Variants in ABCA9 observed in about 807,000 individuals in gnomAD.
The protein encoded by ABCA9 is ATP-binding cassette sub-family A member 9.
A neutral mutation model predicts 205.3 loss-of-function variants in ABCA9; 183 were observed. That is an observed-to-expected ratio of 0.89 (90% CI 0.79 to 1.01). The LOEUF (loss-of-function observed/expected upper bound fraction) is 1.01. Ranked by LOEUF, ABCA9 falls within the 50% of genes least tolerant of loss-of-function variation. ABCA9 has a pLI of 0.00. For synonymous variants in ABCA9, 651 were observed against 683.3 expected (o/e 0.95, Z 0.74); for missense variants, 1,805 against 1,912.4 (o/e 0.94, Z 1.05).
At chr17:68,981,832 T>C (rs973800615) in intron 37 of ABCA9, among the ~76,000 whole-genome samples, 1 of 79,334 alleles carries the variant, frequency 1.3e-5, no homozygotes, top group Non-Finnish European at 2.4e-5. Context: ...GAAAACTCTT[T>C]CTCAAAAAAA....
intron 16 of ABCA9, among the ~76,000 whole-genome samples, chr17:69,025,641 G>A (rs1355665843): frequency 6.6e-6 from 1 of 151,914 alleles, no homozygotes; most frequent in African/African-American, 2.4e-5. Flanking sequence ...AAAAAATGAG[G>A]GGATCCATTT....
At chr17:69,013,745 G>A (rs1053254059) in intron 22 of ABCA9, among the ~76,000 whole-genome samples, 3 of 152,100 alleles carry the variant, frequency 2.0e-5, no homozygotes, top group African/African-American at 7.2e-5. Flanking sequence ...GGAATGGCTG[G>A]ATGGGAGTGC....
rs1343786530 is a variant in ABCA9 at position 68,989,059 on chromosome 17, T to C, written c.4015A>G (p.Ile1339Val). The change falls in exon 31 of 39, where the codon ATA becomes GTA. Residue 1339 changes from isoleucine to valine, a missense_variant. Coordinates refer to ENST00000340001, the MANE Select transcript of ABCA9 (RefSeq NM_080283.4). ...GAGKSTTIKMITGDTKPTAGQ... is the reference protein window; with the variant it reads ...GAGKSTTIKMVTGDTKPTAGQ... Reference sequence around the variant, plus strand: ...GCAGTTGGTTTTGTGTCTCCAGTTATCATCTTAATAGTTGTACTTTTACCA... The same window carrying C: ...GCAGTTGGTTTTGTGTCTCCAGTTACCATCTTAATAGTTGTACTTTTACCA... 1 of 1,613,458 alleles carries C rather than the reference T, an allele frequency of 6.2e-7. No homozygotes were observed. The highest frequency in any genetic ancestry group is 2.2e-5 in the East Asian group (1 of 44,868).
Position 69,017,656 on chromosome 17 carries a change from C to T in ABCA9, c.2901G>A (p.Lys967=). The change falls in exon 21 of 39, where the codon AAG becomes AAA. Residue 967 remains lysine (K), a splice_region_variant and synonymous_variant. Coordinates refer to ENST00000340001, the MANE Select transcript of ABCA9 (RefSeq NM_080283.4). ...ATGCAGCAACTGGAGTCCAGCATAC[C>T]TTTTCATCACCTGACACAATGATAG... is the stretch of plus-strand genomic sequence containing the variant. The part of the protein sequence containing the change: ...NGAIIVSGDE[K]DHRFSIACNT... 1 of 1,612,560 alleles carries T rather than the reference C, an allele frequency of 6.2e-7. No homozygotes were observed. The highest frequency in any genetic ancestry group is 8.5e-7 in the Non-Finnish European group (1 of 1,179,072).
chr17:68,985,244 T>A, intron 32 of ABCA9, 116 bp from the exon 33 acceptor site: 4 of 1,361,722 alleles, frequency 2.9e-6, no homozygotes, highest in Non-Finnish European at 4.1e-6. Flanking sequence ...GTCAGAGTGG[T>A]CATAAAATTT....
In ABCA9 at chr17:68,996,007, A is replaced by G; in HGVS notation, c.3443T>C (p.Ile1148Thr). 6.2e-7 allele frequency: 1 copy of G among 1,613,534 alleles called. No homozygotes were observed. The stretch of plus-strand genomic sequence containing the variant: ...TAGATCAGTAGCAACTATCGAGAAG[A>G]TGACCACCTAAAACAAATGCACAGT... The part of the protein sequence containing the change: ...IWSFFFLIVV[I>T]FSIVATDLNE... The change falls in exon 26 of 39, where the codon ATC (isoleucine) becomes ACC (threonine). Residue 1148 changes from isoleucine to threonine, a missense_variant. Transcript: ENST00000340001.
chr17:69,007,780 A>C lies in ABCA9; in HGVS notation c.3414T>G (p.Ile1138Met), dbSNP rs143799711. Residue 1138 changes from isoleucine to methionine, a missense_variant, in exon 25 of 39, where the codon ATT becomes ATG. Coordinates refer to ENST00000340001, the MANE Select transcript of ABCA9 (RefSeq NM_080283.4). ...IFRNGRKNSGIWSFFFLIVVI... is the reference protein window; with the variant it reads ...IFRNGRKNSGMWSFFFLIVVI... ...TCACAATTAAGAAGAAAAATGACCAAATGCCACTATTTTTTCTCCCATTGC... is the reference window on the plus strand; with the variant it reads ...TCACAATTAAGAAGAAAAATGACCACATGCCACTATTTTTTCTCCCATTGC... 3.6e-5 allele frequency: 57 copies of C among 1,600,718 alleles called. No homozygotes were observed. Among genetic ancestry groups the C allele is most frequent in the African/African-American group, 5.4e-5 (4 of 74,630 alleles).
intron 5 of ABCA9, 65 bp downstream of exon 5, chr17:69,044,432 C>T: frequency 2.2e-6 from 3 of 1,345,280 alleles, no homozygotes; most frequent in South Asian, 1.2e-5. Context: ...TAGGATAATC[C>T]ATTAAATCAC....
At chr17:68,999,153 T>G (rs1366177421) in intron 25 of ABCA9, among the ~76,000 whole-genome samples, 4 of 151,066 alleles carry the variant, frequency 2.6e-5, no homozygotes. Context: ...TACTTTAAGT[T>G]TTAGGGTACA....
chr17:69,035,061 T>C (rs959274237), intron 8 of ABCA9, 185 bp downstream of exon 8: 2 of 431,128 alleles, frequency 4.6e-6, no homozygotes, highest in Non-Finnish European at 8.0e-6. Flanking sequence ...TATGATCCTA[T>C]ATTTAGTGAC....
At chr17:69,018,013 A>G (rs985624453) in intron 20 of ABCA9, 1 of 481,072 alleles carries the variant, frequency 2.1e-6, no homozygotes, top group Non-Finnish European at 3.6e-6. Context: ...AATTTCTATT[A>G]GTATAGAAAT....
intron 6 of ABCA9, chr17:69,043,212 A>C: frequency 3.2e-6 from 1 of 310,648 alleles, no homozygotes; most frequent in Non-Finnish European, 6.0e-6. Flanking sequence ...AGTTCACAAT[A>C]GAGTTTGAGC....
chr17:69,007,927 C>A, intron 24 of ABCA9, 55 bp from the exon 25 acceptor site: 2 of 1,405,258 alleles, frequency 1.4e-6, no homozygotes, highest in South Asian at 2.5e-5. Flanking sequence ...GAAGAGTACT[C>A]ATATTTACTC....
chr17:69,028,165 C>G (rs750952280), intron 12 of ABCA9, among the ~76,000 whole-genome samples: 2 of 151,896 alleles, frequency 1.3e-5, no homozygotes, highest in East Asian at 3.9e-4. Flanking sequence ...TTAATAAAAC[C>G]AATTACATAA....
Position 69,046,781 on chromosome 17 carries a change from A to G in ABCA9, c.305-1445T>C, listed in dbSNP as rs779934113. ...ATTTTATAATATTTTCATACACATA[A>G]TAAGAAATCTTGAGGATGCAACCCA... is the stretch of plus-strand genomic sequence containing the variant. On this transcript the variant is annotated intron_variant, in intron 3 of 38. Coordinates refer to ENST00000340001, the MANE Select transcript of ABCA9 (RefSeq NM_080283.4). 8.0e-5 allele frequency among the ~76,000 whole-genome samples: 12 copies of G among 150,256 alleles called. 1 individual carries two copies. In the East Asian group the frequency reaches 1.2e-3, roughly 15 times the overall value.
At position 68,990,896 on chromosome 17, in the gene ABCA9, C is replaced by A. The variant is rs1266184514; in HGVS notation, c.3778G>T (p.Asp1260Tyr). 6.2e-7 allele frequency: 1 copy of A among 1,614,032 alleles called. No homozygotes were observed. The highest frequency in any genetic ancestry group is 1.1e-5 in the South Asian group (1 of 91,064). The part of the protein sequence containing the change: ...NPEEPEGEEE[D>Y]IQMERMRTVN... Reference sequence around the variant, plus strand: ...GTTCTCATTCTTTCCATCTGGATATCTTCCTCCTCTCCTTCAGGCTCTTCT... The same window carrying A: ...GTTCTCATTCTTTCCATCTGGATATATTCCTCCTCTCCTTCAGGCTCTTCT... The change falls in exon 29 of 39, where the codon GAT becomes TAT. Residue 1260 changes from aspartate (D) to tyrosine (Y), a missense_variant. Coordinates refer to ENST00000340001, the MANE Select transcript of ABCA9 (RefSeq NM_080283.4).
rs1344720767 is a variant in ABCA9 at position 69,016,377 on chromosome 17, GA to G, written c.2914del (p.Ser972GlnfsTer2). On this transcript the variant is annotated frameshift_variant, in exon 22 of 39. Coordinates refer to ENST00000340001, the MANE Select transcript of ABCA9 (RefSeq NM_080283.4). LOFTEE classifies it high-confidence loss of function. Reference protein sequence around the residue: ...VSGDEKDHRFSIACNTKRLNC... With the variant: ...VSGDEKDHRFXIACNTKRLNC... Reference sequence around the variant, plus strand: ...CAGCCGTTTTGTATTACATGCTATTGAAAATCTGTGATCCTGAAATACAACA... The same window carrying G: ...CAGCCGTTTTGTATTACATGCTATTGAAATCTGTGATCCTGAAATACAACA... 1.3e-6 allele frequency: 2 copies of G among 1,582,572 alleles called. No individual in the cohort carries two copies. The highest frequency in any genetic ancestry group is 1.7e-6 in the Non-Finnish European group (2 of 1,168,892).
rs567275349 is a variant in ABCA9 at position 69,016,489 on chromosome 17, A to G, written c.2902-99T>C. On this transcript the variant is annotated intron_variant, in intron 21 of 38. Coordinates refer to ENST00000340001, the MANE Select transcript of ABCA9 (RefSeq NM_080283.4). Reference sequence around the variant, plus strand: ...AATCATTCAAGTTACTGATAATATAATAAGTCCCAAGCACTGAATGTGATT... The same window carrying G: ...AATCATTCAAGTTACTGATAATATAGTAAGTCCCAAGCACTGAATGTGATT... The G allele has an allele frequency of 1.4e-5, 16 of 1,109,912 alleles. No homozygotes were observed. In the African/African-American group the frequency reaches 1.6e-4, roughly 11 times the overall value. The allele number at this position is 1,109,912 out of a possible 1,614,324, so 68.8% of individuals were successfully genotyped here.
At chr17:68,997,602 T>C (rs954012205) in intron 25 of ABCA9, among the ~76,000 whole-genome samples, 67 of 150,840 alleles carry the variant, frequency 4.4e-4, no homozygotes, top group African/African-American at 1.5e-3. Flanking sequence ...TTCTTTTTTT[T>C]TTTTTTTTGT....
Sources: allele counts gnomAD v4.1 joint callset (sites outside exome capture counted in the v4.1 genomes callset), GRCh38; gene constraint gnomAD v4.1.1; transcripts MANE v1.5; gene names NCBI Gene and HGNC (gene_info 2026-07-23, HGNC 2026-07-21).